The following PCDH9 variants were observed in gnomAD, a reference collection of about 807,000 sequenced individuals.
PCDH9 encodes protocadherin 9.
In PCDH9, 24 loss-of-function variants were observed where a neutral mutation model predicts 70.6. The ratio of observed to expected loss-of-function variants is 0.34; its 90% CI spans 0.25 to 0.48. The LOEUF is 0.48. Ranked by LOEUF, PCDH9 falls within the 20% of genes least tolerant of loss-of-function variation. The pLI, the probability that PCDH9 is intolerant of heterozygous loss-of-function variation, is 0.99. For synonymous variants in PCDH9, 562 were observed against 558.5 expected, an observed-to-expected ratio of 1.01 and a Z score of -0.09; for missense variants, 1,281 against 1,503.6, an observed-to-expected ratio of 0.85 and a Z score of 2.45.
intron 4 of PCDH9, among the ~76,000 whole-genome samples, chr13:66,339,453 A>G (rs1439459279): frequency 6.6e-6 from 1 of 152,060 alleles, no homozygotes; most frequent in African/African-American, 2.4e-5. Context: ...AGAGAACCAC[A>G]TTCCTCTGGC....
At chr13:66,579,686 T>C (rs1176775673) in intron 4 of PCDH9, among the ~76,000 whole-genome samples, 1 of 151,992 alleles carries the variant, frequency 6.6e-6, no homozygotes, top group Non-Finnish European at 1.5e-5. Context: ...AATAAAAAGA[T>C]TTGAAGTGGC....
At chr13:67,182,663 T>A (rs934083153) in intron 2 of PCDH9, among the ~76,000 whole-genome samples, 7 of 152,134 alleles carry the variant, frequency 4.6e-5, no homozygotes, top group African/African-American at 1.7e-4. Flanking sequence ...CTGATCTCTG[T>A]TGAAAAATTT....
intron 3 of PCDH9, among the ~76,000 whole-genome samples, chr13:66,754,206 C>G (rs1387286616): frequency 6.6e-6 from 1 of 151,966 alleles, no homozygotes. Context: ...GGGAACATCA[C>G]GCACCTGTCA....
chr13:66,705,116 T>A (rs2078695006), intron 3 of PCDH9, among the ~76,000 whole-genome samples: 3 of 152,170 alleles, frequency 2.0e-5, no homozygotes, highest in Admixed American at 2.0e-4. Context: ...AAGTGTATAG[T>A]GATGGTTTAT....
chr13:66,817,956 T>C (rs185440705), intron 3 of PCDH9, among the ~76,000 whole-genome samples: 1 of 152,302 alleles, frequency 6.6e-6, no homozygotes, highest in East Asian at 1.9e-4. Flanking sequence ...AGATAAATAT[T>C]TGATCCCAAG....
intron 2 of PCDH9, among the ~76,000 whole-genome samples, chr13:66,904,577 A>G (rs1290852193): frequency 1.3e-5 from 2 of 151,958 alleles, no homozygotes; most frequent in African/African-American, 4.8e-5. Flanking sequence ...ATATGCATCG[A>G]TTTCATTACA....
At chr13:66,473,904 C>T (rs1277868905) in intron 4 of PCDH9, among the ~76,000 whole-genome samples, 4 of 152,134 alleles carry the variant, frequency 2.6e-5, no homozygotes, top group African/African-American at 9.6e-5. Flanking sequence ...TATCAAACAA[C>T]ACTGCCTTGA....
At chr13:66,599,369 C>A (rs911750158) in intron 4 of PCDH9, among the ~76,000 whole-genome samples, 1 of 151,570 alleles carries the variant, frequency 6.6e-6, no homozygotes, top group African/African-American at 2.4e-5. Context: ...TATTTAAAAT[C>A]CCTAAAGATT....
chr13:66,770,936 C>G (rs1162928105), intron 3 of PCDH9, among the ~76,000 whole-genome samples: 1 of 152,204 alleles, frequency 6.6e-6, no homozygotes, highest in Non-Finnish European at 1.5e-5. Context: ...TCTCATCACT[C>G]CAGGTTCACC....
chr13:66,784,254 G>A (rs2080044723), intron 3 of PCDH9, among the ~76,000 whole-genome samples: 1 of 152,022 alleles, frequency 6.6e-6, no homozygotes, highest in African/African-American at 2.4e-5. Context: ...GCCTAAATTT[G>A]GGTCAATAGG....
intron 3 of PCDH9, among the ~76,000 whole-genome samples, chr13:66,681,181 T>A (rs537287351): frequency 1.3e-5 from 2 of 152,212 alleles, no homozygotes; most frequent in South Asian, 2.1e-4. Flanking sequence ...ATATACTATT[T>A]GTGTATTTGA....
intron 4 of PCDH9, among the ~76,000 whole-genome samples, chr13:66,481,442 A>C (rs1958834741): frequency 6.6e-6 from 1 of 152,182 alleles, no homozygotes; most frequent in South Asian, 2.1e-4. Flanking sequence ...GATGATTCTT[A>C]ACATTTTCTA....
chr13:66,551,767 G>C (rs569727438), intron 4 of PCDH9, among the ~76,000 whole-genome samples: 3 of 151,896 alleles, frequency 2.0e-5, no homozygotes, highest in Non-Finnish European at 4.4e-5. Flanking sequence ...CATCTTCTGC[G>C]TTAAAACCAC....
chr13:67,089,195 T>C (rs1053065005), intron 2 of PCDH9, among the ~76,000 whole-genome samples: 1 of 152,158 alleles, frequency 6.6e-6, no homozygotes, highest in African/African-American at 2.4e-5. Flanking sequence ...AAATAGTGTG[T>C]AGGGGATGTT....
chr13:66,559,833 T>TATATATACACAC (rs777316241), intron 4 of PCDH9, among the ~76,000 whole-genome samples: 5 of 87,102 alleles, frequency 5.7e-5, no homozygotes, highest in African/African-American at 1.7e-4. Flanking sequence ...TATATATATA[T>TATATATACACAC]ACACACACAC....
At chr13:66,617,560 G>A (rs1321697958) in intron 4 of PCDH9, among the ~76,000 whole-genome samples, 2 of 152,114 alleles carry the variant, frequency 1.3e-5, no homozygotes, top group Non-Finnish European at 1.5e-5. Context: ...GTTGACTTAG[G>A]ATTGGGCTCA....
At chr13:66,364,343 A>G (rs540542660) in intron 4 of PCDH9, among the ~76,000 whole-genome samples, 9 of 152,124 alleles carry the variant, frequency 5.9e-5, no homozygotes, top group Admixed American at 2.6e-4. Context: ...GGAGGAAGAA[A>G]CCCTACATTT....
intron 2 of PCDH9, among the ~76,000 whole-genome samples, chr13:67,008,464 A>C (rs1005049755): frequency 6.6e-6 from 1 of 152,136 alleles, no homozygotes; most frequent in Admixed American, 6.6e-5. Flanking sequence ...TGCTGACTCT[A>C]TATTTTCAGT....
intron 3 of PCDH9, among the ~76,000 whole-genome samples, chr13:66,803,515 G>A (rs186060693): frequency 8.5e-4 from 130 of 152,118 alleles, no homozygotes; most frequent in African/African-American, 3.0e-3. Context: ...TCCACCAATC[G>A]CCCCAGCAGA....
Sources: gnomAD v4.1 joint callset for allele counts (sites outside exome capture counted in the v4.1 genomes callset) on GRCh38, gnomAD v4.1.1 for gene constraint, MANE v1.5 for transcripts, NCBI Gene and HGNC (gene_info 2026-07-23, HGNC 2026-07-21) for gene names.